TM9SF2: variants seen among roughly 807,000 people sequenced by gnomAD.
TM9SF2 encodes transmembrane 9 superfamily member 2, also known as 76 kDa membrane protein.
A neutral mutation model predicts 84.9 loss-of-function variants in TM9SF2; 13 were observed. The observed-to-expected ratio is 0.15, with a 90% CI of 0.10 to 0.24. TM9SF2 has a LOEUF of 0.24. TM9SF2 is among the 10% of genes least tolerant of loss of function. The probability of loss-of-function intolerance (pLI) is 1.00; values close to 1 mark genes in which losing one functional copy is unlikely to be tolerated. For synonymous variants in TM9SF2, 273 were observed against 285.8 expected, an observed-to-expected ratio of 0.96 and a Z score of 0.45; for missense variants, 562 against 818.5, an observed-to-expected ratio of 0.69 and a Z score of 3.82.
intron 1 of TM9SF2, among the ~76,000 whole-genome samples, chr13:99,505,480 T>G (rs371838418): frequency 2.0e-5 from 3 of 152,352 alleles, no homozygotes; most frequent in African/African-American, 7.2e-5. Context: ...TGTTTTACTT[T>G]CATTGCTATT....
At chr13:99,544,225 G>A (rs754000965) in intron 10 of TM9SF2, among the ~76,000 whole-genome samples, 1 of 151,794 alleles carries the variant, frequency 6.6e-6, no homozygotes, top group Non-Finnish European at 1.5e-5. Flanking sequence ...GCAGGTGCCT[G>A]TAATCCCAGC....
rs755443684 is a variant in TM9SF2 at position 99,546,974 on chromosome 13, T to C, written c.1151-11T>C. 3.7e-6 allele frequency: 6 copies of C among 1,614,040 alleles called. No individual in the cohort carries two copies. The Admixed American group carries it at 1.0e-4, about 27-fold the overall frequency. ...AATAACATGTACAGCCTTTCACGAT[T>C]TGTGTTTTAGTTTTCGCTTGCCTGG... On this transcript the variant is annotated splice_polypyrimidine_tract_variant and intron_variant, in intron 10 of 16. Transcript: ENST00000376387.
In TM9SF2 at chr13:99,507,191, G is replaced by T. The variant is rs2046092293; in HGVS notation, c.171+5414G>T. On this transcript the variant is annotated intron_variant, in intron 1 of 16. Transcript: ENST00000376387. Reference sequence around the variant, plus strand: ...GTGTACAAAGCTAGTAAGTATTAAAGCCAGAATGCAAACAAGCCCAAGACT... The same window carrying T: ...GTGTACAAAGCTAGTAAGTATTAAATCCAGAATGCAAACAAGCCCAAGACT... Among the ~76,000 whole-genome samples the T allele has an allele frequency of 3.3e-5, 5 of 152,292 alleles. 1 individual carries two copies. The Middle Eastern group carries it at 0.014, about 414-fold the overall frequency.
intron 5 of TM9SF2, among the ~76,000 whole-genome samples, chr13:99,537,007 C>G (rs2046237336): frequency 6.6e-6 from 1 of 152,128 alleles, no homozygotes; most frequent in South Asian, 2.1e-4. Context: ...TGTCCTAACT[C>G]TCATAAATCT....
intron 16 of TM9SF2, 110 bp downstream of exon 16, chr13:99,559,644 C>T: frequency 9.8e-7 from 1 of 1,021,380 alleles, no homozygotes; most frequent in Non-Finnish European, 1.4e-6. Context: ...TTAGTGCTCC[C>T]ATATTTAGTC....
chr13:99,555,451 A>C, intron 14 of TM9SF2, 85 bp from the exon 15 acceptor site: 1 of 1,045,486 alleles, frequency 9.6e-7, no homozygotes, highest in Non-Finnish European at 1.4e-6. Context: ...AAACCTTTTC[A>C]GTTCAAGAAG....
intron 1 of TM9SF2, among the ~76,000 whole-genome samples, chr13:99,507,183 G>A (rs1298647968): frequency 6.6e-6 from 1 of 152,192 alleles, no homozygotes; most frequent in Non-Finnish European, 1.5e-5. Context: ...AAGCTAGTAA[G>A]TATTAAAGCC....
chr13:99,513,022 AAATT>A (rs1285207636), intron 1 of TM9SF2, among the ~76,000 whole-genome samples: 2 of 152,262 alleles, frequency 1.3e-5, no homozygotes, highest in African/African-American at 4.8e-5. Flanking sequence ...AGCAAAAAGT[AAATT>A]AATTTGCTCA....
At chr13:99,502,199 A>C (rs1028399697) in intron 1 of TM9SF2, among the ~76,000 whole-genome samples, 3 of 152,180 alleles carry the variant, frequency 2.0e-5, no homozygotes, top group African/African-American at 7.2e-5. Context: ...ACATGTGAGC[A>C]ACACTCAGCC....
chr13:99,505,496 T>G (rs550016821), intron 1 of TM9SF2, among the ~76,000 whole-genome samples: 4 of 152,354 alleles, frequency 2.6e-5, no homozygotes, highest in South Asian at 4.1e-4. Flanking sequence ...CTATTGAAAT[T>G]TCTGTGTCTT....
intron 15 of TM9SF2, 68 bp from the exon 16 acceptor site, chr13:99,559,295 A>T (rs979914688): frequency 4.4e-6 from 6 of 1,366,514 alleles, no homozygotes; most frequent in Non-Finnish European, 4.9e-6. Flanking sequence ...CTTGCTTTGA[A>T]CCTTAGTAAG....
At chr13:99,527,696 A>G (rs77743835) in intron 3 of TM9SF2, among the ~76,000 whole-genome samples, 1,629 of 152,308 alleles carry the variant, frequency 0.011, 31 homozygotes, top group African/African-American at 0.037. Flanking sequence ...TTTCCCTCAG[A>G]TATGGACTTT....
intron 1 of TM9SF2, among the ~76,000 whole-genome samples, chr13:99,511,316 T>A (rs556089602): frequency 6.6e-6 from 1 of 152,324 alleles, no homozygotes; most frequent in Admixed American, 6.5e-5. Context: ...GTGAATGTCA[T>A]GACATCTGTG....
intron 3 of TM9SF2, among the ~76,000 whole-genome samples, chr13:99,527,431 G>A (rs547358979): frequency 6.6e-6 from 1 of 152,276 alleles, no homozygotes; most frequent in East Asian, 1.9e-4. Context: ...AGTGCAGAGT[G>A]AATCGGAGAA....
intron 3 of TM9SF2, among the ~76,000 whole-genome samples, chr13:99,524,218 T>TG (rs1275493834): frequency 6.6e-6 from 1 of 151,918 alleles, no homozygotes; most frequent in East Asian, 1.9e-4. Flanking sequence ...GAATGGACCG[T>TG]GGGGGTGCGA....
chr13:99,546,567 GTT>G (rs1230728728), intron 10 of TM9SF2, among the ~76,000 whole-genome samples: 11 of 142,144 alleles, frequency 7.7e-5, no homozygotes, highest in African/African-American at 1.8e-4. Context: ...AAGGTTTTGG[GTT>G]TTTTTTTTTT....
Position 99,501,482 on chromosome 13 carries a change from G to A in TM9SF2, c.-125G>A. On this transcript the variant is annotated 5_prime_UTR_variant, in exon 1 of 17. Transcript: ENST00000376387. ...CCCGGGGTGTCTCCTAGCGCAACCG[G>A]AACTAGCCTTCTGGGGGCCGGCTTC... 1.6e-6 allele frequency: 2 copies of A among 1,286,778 alleles called. No individual in the cohort carries two copies. The highest frequency in any genetic ancestry group is 2.1e-6 in the Non-Finnish European group (2 of 941,752). 79.7% of individuals were successfully genotyped at this position (1,286,778 alleles called of 1,614,324 possible).
chr13:99,544,833 C>T (rs1019834733), intron 10 of TM9SF2, among the ~76,000 whole-genome samples: 3 of 152,022 alleles, frequency 2.0e-5, no homozygotes, highest in East Asian at 1.9e-4. Flanking sequence ...GCTACCTCAG[C>T]GACTTCAGAA....
At chr13:99,512,306 G>A (rs978519197) in intron 1 of TM9SF2, among the ~76,000 whole-genome samples, 2 of 152,150 alleles carry the variant, frequency 1.3e-5, no homozygotes, top group East Asian at 3.8e-4. Context: ...ATATCATTCA[G>A]TTCCCACATT....
Sources: allele counts gnomAD v4.1 joint callset (sites outside exome capture counted in the v4.1 genomes callset), GRCh38; gene constraint gnomAD v4.1.1; transcripts MANE v1.5; gene names NCBI Gene and HGNC (gene_info 2026-07-23, HGNC 2026-07-21).